The following MBNL2 variants were observed in gnomAD, a reference collection of about 807,000 sequenced individuals.
MBNL2 encodes muscleblind like splicing regulator 2, also known as muscleblind-like protein 2.
In MBNL2, 17 loss-of-function variants were observed where a neutral mutation model predicts 41.9. That is an observed-to-expected ratio of 0.41 (90% CI 0.28 to 0.61). The LOEUF is 0.61. Among genes scored for constraint, MBNL2 ranks in the 20% least tolerant of loss-of-function variants. MBNL2 has a pLI of 0.35. For synonymous variants in MBNL2, 195 were observed against 182.9 expected (o/e 1.07, Z -0.53); for missense variants, 336 against 505.6 (o/e 0.66, Z 3.22).
At chr13:97,163,498 G>A in the MBNL2 span, among the ~76,000 whole-genome samples, 4 of 152,168 alleles carry the variant, frequency 2.6e-5, no homozygotes, top group African/African-American at 4.8e-5. Flanking sequence ...TCTATGGGGT[G>A]CCAGGCCAGG....
chr13:97,282,501 C>G (rs192069048), intron 2 of MBNL2, among the ~76,000 whole-genome samples: 3 of 152,340 alleles, frequency 2.0e-5, no homozygotes, highest in Non-Finnish European at 4.4e-5. Context: ...CTGTTTTTGT[C>G]TGTATATAAA....
chr13:97,357,620 G>C lies in MBNL2; in HGVS notation c.997G>C (p.Ala333Pro). The C allele has an allele frequency of 1.2e-6, 2 of 1,613,884 alleles. No individual in the cohort carries two copies. The highest frequency in any genetic ancestry group is 1.7e-6 in the Non-Finnish European group (2 of 1,179,984). Residue 333 changes from alanine (A) to proline (P), a missense_variant, in exon 7 of 9, where the codon GCG (alanine) becomes CCG (proline). Physicochemically the swap from Ala to Pro is conservative, Grantham distance 27 (BLOSUM62 -1). Coordinates refer to ENST00000679496, the MANE Select transcript of MBNL2 (RefSeq NM_001382683.1). The part of the protein sequence containing the change: ...LTSAQLQQHA[A>P]FIPTGSVLCM... ...CAGCGCACAGTTGCAGCAACACGCC[G>C]CGTTCATTCCAACAGGTATGTGCCC...
the MBNL2 span, among the ~76,000 whole-genome samples, chr13:97,190,031 C>T: frequency 2.6e-5 from 4 of 152,214 alleles, no homozygotes; most frequent in South Asian, 2.1e-4. Flanking sequence ...GTTCAAACCA[C>T]GAGTGTCAGC....
At chr13:97,232,052 T>C (rs2042457172) in intron 1 of MBNL2, among the ~76,000 whole-genome samples, 1 of 151,808 alleles carries the variant, frequency 6.6e-6, no homozygotes, top group Admixed American at 6.6e-5. Flanking sequence ...TAACATCGCA[T>C]TTATTTAAAA....
the MBNL2 span, among the ~76,000 whole-genome samples, chr13:97,178,020 C>T: frequency 2.0e-5 from 3 of 152,140 alleles, no homozygotes; most frequent in African/African-American, 7.2e-5. Context: ...TGGAAAAGCT[C>T]CTGGAGATGT....
intron 2 of MBNL2, among the ~76,000 whole-genome samples, chr13:97,280,235 T>G (rs969612546): frequency 4.6e-5 from 7 of 152,196 alleles, no homozygotes; most frequent in Non-Finnish European, 7.3e-5. Flanking sequence ...CTTTTTCCTG[T>G]GATTGATAGG....
rs74103239 is a variant in MBNL2, at chr13:97,309,925, G to C, written c.175-24351G>C. Reference sequence around the variant, plus strand: ...CTTCATTCAAAGAAAAAATAAGATCGAGAATAGCACAGAGAAGGACTATCT... The same window carrying C: ...CTTCATTCAAAGAAAAAATAAGATCCAGAATAGCACAGAGAAGGACTATCT... On this transcript the variant is annotated intron_variant, in intron 2 of 8. Coordinates refer to ENST00000679496, the MANE Select transcript of MBNL2 (RefSeq NM_001382683.1). 2.0e-3 allele frequency among the ~76,000 whole-genome samples: 304 copies of C among 152,228 alleles called. 2 individuals carry two copies. Among genetic ancestry groups the C allele is most frequent in the African/African-American group, 6.8e-3 (282 of 41,534 alleles).
At chr13:97,335,298 T>TG (rs889288706) in intron 3 of MBNL2, among the ~76,000 whole-genome samples, 4 of 152,170 alleles carry the variant, frequency 2.6e-5, no homozygotes, top group African/African-American at 9.7e-5. Context: ...TTTTTTTTTT[T>TG]TAAAGAAAGG....
intron 2 of MBNL2, among the ~76,000 whole-genome samples, chr13:97,299,007 T>C (rs1006236123): frequency 2.0e-5 from 3 of 152,164 alleles, no homozygotes; most frequent in Admixed American, 6.5e-5. Context: ...GAGAATAGCT[T>C]GTAGTGTACT....
intron 1 of MBNL2, among the ~76,000 whole-genome samples, chr13:97,222,932 A>G (rs779936518): frequency 2.6e-5 from 4 of 152,220 alleles, no homozygotes; most frequent in Non-Finnish European, 5.9e-5. Flanking sequence ...GGATTAAAAA[A>G]AAATTCATGG....
At chr13:97,343,768 C>T (rs754534966) in intron 4 of MBNL2, among the ~76,000 whole-genome samples, 1 of 152,174 alleles carries the variant, frequency 6.6e-6, no homozygotes, top group Non-Finnish European at 1.5e-5. Flanking sequence ...TGTTGCTAAA[C>T]AGGGGAAATT....
chr13:97,259,271 T>C (rs776703843), intron 1 of MBNL2, among the ~76,000 whole-genome samples: 28 of 152,080 alleles, frequency 1.8e-4, no homozygotes, highest in Non-Finnish European at 3.2e-4. Flanking sequence ...CTCTATATAT[T>C]CTGTGCTAGG....
Position 97,366,837 on chromosome 13 carries a change from C to G in MBNL2, c.1048+1666C>G, listed in dbSNP as rs2063882800. ...TAAATTCCTTTTAGTACAGCATTAC[C>G]TATCCAGTGGTTTGTGAATGGCCAC... On this transcript the variant is annotated intron_variant, in intron 8 of 8. Coordinates refer to ENST00000679496, the MANE Select transcript of MBNL2 (RefSeq NM_001382683.1). The surrounding 1 kb of genome is among the most constrained non-coding windows in gnomAD (Gnocchi z 4.7). 4.3e-6 allele frequency: 2 copies of G among 460,690 alleles called. No homozygotes were observed. The highest frequency in any genetic ancestry group is 7.9e-6 in the Non-Finnish European group (2 of 252,426). The allele number at this position is 460,690 out of a possible 1,614,324, so 28.5% of individuals were successfully genotyped here.
At chr13:97,370,575 A>G (rs2064265898) in intron 8 of MBNL2, among the ~76,000 whole-genome samples, 1 of 152,020 alleles carries the variant, frequency 6.6e-6, no homozygotes, top group Admixed American at 6.5e-5. Context: ...AGGGTGAGGC[A>G]GGAGAATTGC....
intron 2 of MBNL2, among the ~76,000 whole-genome samples, chr13:97,290,542 G>A (rs920853948): frequency 2.0e-5 from 3 of 152,108 alleles, no homozygotes; most frequent in Non-Finnish European, 2.9e-5. Flanking sequence ...CGGGCGCGGT[G>A]GCGGGCGCCT....
chr13:97,227,053 C>CAA (rs1201374167), intron 1 of MBNL2, among the ~76,000 whole-genome samples: 23 of 88,338 alleles, frequency 2.6e-4, no homozygotes, highest in South Asian at 2.5e-3. Context: ...AAAAAAAAAA[C>CAA]AAAAAAAAAA....
chr13:97,169,236 G>A, the MBNL2 span, among the ~76,000 whole-genome samples: 1 of 152,144 alleles, frequency 6.6e-6, no homozygotes, highest in Non-Finnish European at 1.5e-5. Context: ...CTCTGTTCTT[G>A]TAGTTCTTAC....
At chr13:97,147,800 T>C in the MBNL2 span, among the ~76,000 whole-genome samples, 1 of 152,140 alleles carries the variant, frequency 6.6e-6, no homozygotes, top group African/African-American at 2.4e-5. Flanking sequence ...AAATTCATGG[T>C]CTGAAGGCAA....
At chr13:97,206,065 A>G in the MBNL2 span, among the ~76,000 whole-genome samples, 3 of 152,196 alleles carry the variant, frequency 2.0e-5, no homozygotes, top group Admixed American at 2.0e-4. Flanking sequence ...AAATCAATCA[A>G]TATAAAAGCC....
Sources: allele counts gnomAD v4.1 joint callset (sites outside exome capture counted in the v4.1 genomes callset), GRCh38; gene constraint gnomAD v4.1.1; non-coding constraint Gnocchi (gnomAD v3.1); transcripts MANE v1.5; gene names NCBI Gene and HGNC (gene_info 2026-07-23, HGNC 2026-07-21).